TENM2: variants seen among roughly 807,000 people sequenced by gnomAD.
TENM2 encodes teneurin transmembrane protein 2, also known as teneurin-2.
TENM2 carries 52 observed loss-of-function variants against 245.2 expected under a neutral mutation model. The ratio of observed to expected loss-of-function variants is 0.21; its 90% CI spans 0.17 to 0.27. The LOEUF is 0.27. Ranked by LOEUF, TENM2 falls within the 10% of genes least tolerant of loss-of-function variation. The probability of loss-of-function intolerance (pLI) is 1.00; values close to 1 mark genes in which losing one functional copy is unlikely to be tolerated. For synonymous variants in TENM2, 1,363 were observed against 1,438.9 expected, an observed-to-expected ratio of 0.95 and a Z score of 1.19; for missense variants, 3,046 against 3,666.8, an observed-to-expected ratio of 0.83 and a Z score of 4.37.
Position 167,808,485 on chromosome 5 carries a change from C to CCT in TENM2, c.503-67500_503-67499dup, listed in dbSNP as rs559960581. Among the ~76,000 whole-genome samples, 27 of 152,274 alleles carry CCT rather than the reference C, an allele frequency of 1.8e-4. 2 individuals carry two copies. In the East Asian group the frequency reaches 5.0e-3, roughly 28 times the overall value. ...ATGTTGGCCAGGCTGGTCTCAAACTCCTGACCTCAGGTGATCAGCCTACCT... is the reference window on the plus strand; with the variant it reads ...ATGTTGGCCAGGCTGGTCTCAAACTCCTCTGACCTCAGGTGATCAGCCTACCT... On this transcript the variant is annotated intron_variant, in intron 2 of 28. Transcript: ENST00000518659.
chr5:168,154,711 T>C (rs1209533092), intron 12 of TENM2, among the ~76,000 whole-genome samples: 1 of 152,154 alleles, frequency 6.6e-6, no homozygotes, highest in Non-Finnish European at 1.5e-5. Flanking sequence ...CAAATTTATA[T>C]GACCTCATGG....
intron 2 of TENM2, among the ~76,000 whole-genome samples, chr5:167,722,814 C>T (rs1247598289): frequency 6.6e-6 from 1 of 152,074 alleles, no homozygotes; most frequent in Non-Finnish European, 1.5e-5. Context: ...AAAAAAACAA[C>T]TTTTGAGCTA....
chr5:168,196,597 G>T lies in TENM2; in HGVS notation c.2900+1302G>T, dbSNP rs1761448647. Among the ~76,000 whole-genome samples, 3 of 152,144 alleles carry T rather than the reference G, an allele frequency of 2.0e-5. 1 individual carries two copies. The highest frequency in any genetic ancestry group is 2.0e-4 in the Admixed American group (3 of 15,276). ...CTGCCTCAGCCTCCCGAGTAGCTGG[G>T]ATTACAGGCACCCGCCACCACGCCC... On this transcript the variant is annotated intron_variant, in intron 15 of 28. Transcript: ENST00000518659.
At chr5:166,994,588 G>C in the TENM2 span, among the ~76,000 whole-genome samples, 1 of 152,120 alleles carries the variant, frequency 6.6e-6, no homozygotes, top group Non-Finnish European at 1.5e-5. Flanking sequence ...TTTTAGATAT[G>C]CATGTTCTTT....
intron 3 of TENM2, among the ~76,000 whole-genome samples, chr5:167,901,275 T>A (rs1775684472): frequency 6.6e-6 from 1 of 152,192 alleles, no homozygotes; most frequent in African/African-American, 2.4e-5. Context: ...TAGCACATGG[T>A]AGATACTCAA....
intron 3 of TENM2, chr5:167,938,696 T>C (rs945822298): frequency 1.3e-5 from 2 of 152,008 alleles, no homozygotes; most frequent in African/African-American, 4.8e-5. Flanking sequence ...AAATCAATGA[T>C]TAAGAATTGA....
intron 2 of TENM2, among the ~76,000 whole-genome samples, chr5:167,686,328 T>C (rs1169478588): frequency 6.6e-6 from 1 of 152,222 alleles, no homozygotes; most frequent in Non-Finnish European, 1.5e-5. Context: ...AAAAGTCTGC[T>C]GTCTTAGGTG....
chr5:167,526,680 C>T (rs1423477603), intron 2 of TENM2, among the ~76,000 whole-genome samples: 1 of 151,944 alleles, frequency 6.6e-6, no homozygotes, highest in African/African-American at 2.4e-5. Context: ...TTCTCTGGAT[C>T]TTTACTCCTA....
At chr5:167,304,352 C>G (rs959297714) in intron 1 of TENM2, among the ~76,000 whole-genome samples, 1 of 152,202 alleles carries the variant, frequency 6.6e-6, no homozygotes, top group African/African-American at 2.4e-5. Context: ...TACTCTTGCT[C>G]TTCTGAATCG....
At chr5:167,089,975 C>T in the TENM2 span, among the ~76,000 whole-genome samples, 4 of 152,232 alleles carry the variant, frequency 2.6e-5, no homozygotes, top group Admixed American at 2.6e-4. Context: ...ACTTTCTCTT[C>T]ACTTGTAGAG....
chr5:168,094,333 C>A (rs1328737330), intron 8 of TENM2, among the ~76,000 whole-genome samples: 3 of 152,002 alleles, frequency 2.0e-5, no homozygotes, highest in African/African-American at 7.2e-5. Flanking sequence ...CTTCCTGGAC[C>A]TTTGCTGCTT....
At chr5:168,047,383 CT>C (rs1415600428) in intron 5 of TENM2, 43 bp from the exon 8 acceptor site, 1 of 1,550,848 alleles carries the variant, frequency 6.4e-7, no homozygotes, top group African/African-American at 1.4e-5. Flanking sequence ...ATTTGCATTG[CT>C]GAATTATCTA....
intron 2 of TENM2, among the ~76,000 whole-genome samples, chr5:167,601,836 A>C (rs1382661069): frequency 6.6e-6 from 1 of 152,042 alleles, no homozygotes; most frequent in Admixed American, 6.5e-5. Context: ...TTTTCCCCGG[A>C]GTTGTATTCA....
chr5:167,560,732 G>A (rs976008584), intron 2 of TENM2, among the ~76,000 whole-genome samples: 3 of 152,278 alleles, frequency 2.0e-5, no homozygotes, highest in Admixed American at 1.3e-4. Flanking sequence ...AGAAACATTA[G>A]CTACTACTAT....
At chr5:168,168,516 C>CA (rs1758506344) in intron 13 of TENM2, among the ~76,000 whole-genome samples, 1 of 151,992 alleles carries the variant, frequency 6.6e-6, no homozygotes, top group Non-Finnish European at 1.5e-5. Context: ...CCCATCTCTA[C>CA]AAAAAATAGA....
intron 12 of TENM2, among the ~76,000 whole-genome samples, chr5:168,143,686 T>C (rs1353020560): frequency 1.3e-5 from 2 of 152,128 alleles, no homozygotes; most frequent in Non-Finnish European, 2.9e-5. Context: ...AATAATTGTC[T>C]GGTTTCCTCA....
chr5:168,190,174 T>C (rs1417439344), intron 13 of TENM2, among the ~76,000 whole-genome samples, 163 bp from the exon 16 acceptor site: 1 of 152,230 alleles, frequency 6.6e-6, no homozygotes, highest in Non-Finnish European at 1.5e-5. Context: ...TCTATGTGTA[T>C]GGATTGGAAT....
chr5:167,473,082 T>C (rs1767139659), intron 2 of TENM2, among the ~76,000 whole-genome samples: 1 of 152,226 alleles, frequency 6.6e-6, no homozygotes, highest in Admixed American at 6.5e-5. Context: ...ATCGTGTGTG[T>C]TGACATTTGC....
chr5:168,173,360 G>A (rs1759029987), intron 13 of TENM2, among the ~76,000 whole-genome samples: 1 of 152,108 alleles, frequency 6.6e-6, no homozygotes, highest in Non-Finnish European at 1.5e-5. Context: ...GCCACCAAAA[G>A]GACTCAGTGA....
Sources: allele counts gnomAD v4.1 joint callset (sites outside exome capture counted in the v4.1 genomes callset), GRCh38; gene constraint gnomAD v4.1.1; transcripts MANE v1.5; gene names NCBI Gene and HGNC (gene_info 2026-07-23, HGNC 2026-07-21).